The following ADAMTS14 variants were observed in gnomAD, a reference collection of about 807,000 sequenced individuals.
The protein encoded by ADAMTS14 is ADAM metallopeptidase with thrombospondin type 1 motif 14.
A neutral mutation model predicts 128.6 loss-of-function variants in ADAMTS14; 100 were observed. That is an observed-to-expected ratio of 0.78 (90% confidence interval 0.66 to 0.92). The LOEUF is 0.92. Ranked by LOEUF, ADAMTS14 falls within the 40% of genes least tolerant of loss-of-function variation. The probability of loss-of-function intolerance (pLI) is 0.00; values close to 1 mark genes in which losing one functional copy is unlikely to be tolerated. For missense variants in ADAMTS14, 1,562 were observed against 1,658.6 expected, an observed-to-expected ratio of 0.94 and a Z score of 1.01; for synonymous variants, 665 against 653.8, an observed-to-expected ratio of 1.02 and a Z score of -0.26.
intron 4 of ADAMTS14, among the ~76,000 whole-genome samples, chr10:70,719,565 C>G (rs1841180827): frequency 6.7e-6 from 1 of 150,350 alleles, no homozygotes; most frequent in Non-Finnish European, 1.5e-5. Flanking sequence ...CTGTGCCCAG[C>G]TAATTTTTAT....
intron 21 of ADAMTS14, 26 bp downstream of exon 21, chr10:70,758,311 C>T (rs992833785): frequency 6.2e-6 from 10 of 1,600,302 alleles, no homozygotes; most frequent in African/African-American, 1.3e-5. Flanking sequence ...GGACCCTACC[C>T]TGCTCCCCAG....
chr10:70,752,322 G>C (rs1842374677), intron 18 of ADAMTS14, 95 bp downstream of exon 18: 4 of 1,513,060 alleles, frequency 2.6e-6, no homozygotes, highest in Non-Finnish European at 3.6e-6. Flanking sequence ...TCAGCACTGG[G>C]TTATGGAGAC....
At chr10:70,743,395 C>T (rs1013324300) in intron 12 of ADAMTS14, among the ~76,000 whole-genome samples, 153 bp from the exon 13 acceptor site, 1 of 152,154 alleles carries the variant, frequency 6.6e-6, no homozygotes, top group African/African-American at 2.4e-5. Flanking sequence ...ATAAGTGACA[C>T]AGCAGGGATT....
At chr10:70,675,700 C>T (rs1839626443) in intron 2 of ADAMTS14, among the ~76,000 whole-genome samples, 1 of 152,218 alleles carries the variant, frequency 6.6e-6, no homozygotes, top group African/African-American at 2.4e-5. Context: ...CTCCACATTG[C>T]AAACCAGAAA....
intron 2 of ADAMTS14, among the ~76,000 whole-genome samples, chr10:70,677,281 T>C (rs1372920879): frequency 6.6e-6 from 1 of 152,152 alleles, no homozygotes; most frequent in African/African-American, 2.4e-5. Context: ...TCAGTGGGCC[T>C]GGGGCTGGGG....
chr10:70,744,360 G>A (rs1842109237), intron 14 of ADAMTS14, among the ~76,000 whole-genome samples, 171 bp downstream of exon 14: 1 of 152,202 alleles, frequency 6.6e-6, no homozygotes. Context: ...AGGTGCTGCA[G>A]CCAGTCACCT....
intron 4 of ADAMTS14, among the ~76,000 whole-genome samples, chr10:70,716,533 C>T (rs990611084): frequency 6.6e-6 from 1 of 152,198 alleles, no homozygotes; most frequent in Admixed American, 6.5e-5. Context: ...AGTCTGCCTC[C>T]CTGGGGACCA....
chr10:70,692,322 G>C (rs1840215967), intron 2 of ADAMTS14, among the ~76,000 whole-genome samples: 1 of 152,124 alleles, frequency 6.6e-6, no homozygotes, highest in South Asian at 2.1e-4. Context: ...GGCTCCAGGA[G>C]GGCCATTTCC....
chr10:70,745,369 A>G lies in ADAMTS14; in HGVS notation c.2263+63A>G, dbSNP rs571526973. 3 of 1,554,822 alleles carry G rather than the reference A, an allele frequency of 1.9e-6. No individual in the cohort carries two copies. In the East Asian group the frequency reaches 6.8e-5, roughly 35 times the overall value. Reference sequence around the variant, plus strand: ...CAGGCCCTGCCCTCTGACTTGGGGGAGCTGGGAGACCAGAGGACAAGATTC... The same window carrying G: ...CAGGCCCTGCCCTCTGACTTGGGGGGGCTGGGAGACCAGAGGACAAGATTC... On this transcript the variant is annotated intron_variant, in intron 15 of 21. Transcript: ENST00000373207.
At chr10:70,694,156 G>C (rs1453077647) in intron 2 of ADAMTS14, among the ~76,000 whole-genome samples, 1 of 152,220 alleles carries the variant, frequency 6.6e-6, no homozygotes, top group African/African-American at 2.4e-5. Flanking sequence ...AGCGTCGGCA[G>C]GCTTTCATCC....
intron 2 of ADAMTS14, among the ~76,000 whole-genome samples, chr10:70,699,182 C>G (rs1430766882): frequency 6.6e-6 from 1 of 152,154 alleles, no homozygotes; most frequent in Non-Finnish European, 1.5e-5. Context: ...CCAGGTAATA[C>G]AGTATTGTAG....
At chr10:70,689,312 T>G (rs1484052238) in intron 2 of ADAMTS14, among the ~76,000 whole-genome samples, 1 of 144,740 alleles carries the variant, frequency 6.9e-6, no homozygotes, top group Non-Finnish European at 1.6e-5. Flanking sequence ...CAAAGTCAGT[T>G]GTGCAGCACC....
intron 15 of ADAMTS14, among the ~76,000 whole-genome samples, chr10:70,748,841 C>T (rs1842263247): frequency 1.3e-5 from 2 of 152,192 alleles, no homozygotes; most frequent in African/African-American, 4.8e-5. Context: ...GGAGCCTTTG[C>T]CCTCCCTACT....
chr10:70,743,424 C>G, intron 12 of ADAMTS14, 124 bp from the exon 13 acceptor site: 1 of 1,206,172 alleles, frequency 8.3e-7, no homozygotes, highest in Non-Finnish European at 1.1e-6. Context: ...CCGTGCCACA[C>G]CCAGTGCTCC....
rs375283049 is a variant in ADAMTS14 at position 70,697,803 on chromosome 10, A to C, written c.523-4509A>C. Among the ~76,000 whole-genome samples, 3 of 152,294 alleles carry C rather than the reference A, an allele frequency of 2.0e-5. No homozygotes were observed. The East Asian group carries it at 5.8e-4, about 29-fold the overall frequency. On this transcript the variant is annotated intron_variant, in intron 2 of 21. Transcript: ENST00000373207. ...GGGGCTTTCCCTGAGGGGAACCCAT[A>C]CTGGAAAACCTGTCAACATGGCCTG...
intron 1 of ADAMTS14, among the ~76,000 whole-genome samples, chr10:70,673,912 C>A (rs1472764601): frequency 2.6e-5 from 4 of 152,180 alleles, no homozygotes; most frequent in African/African-American, 9.7e-5. Flanking sequence ...CCTGTATATC[C>A]TTTTATTTTT....
intron 3 of ADAMTS14, among the ~76,000 whole-genome samples, chr10:70,704,713 CAT>C (rs1027956518): frequency 1.3e-5 from 2 of 151,566 alleles, no homozygotes; most frequent in South Asian, 2.1e-4. Context: ...CACACTCACA[CAT>C]AGACACACAC....
chr10:70,720,298 A>G (rs1841214447), intron 4 of ADAMTS14, among the ~76,000 whole-genome samples: 2 of 152,258 alleles, frequency 1.3e-5, no homozygotes, highest in South Asian at 4.1e-4. Flanking sequence ...CTGAGCCTGC[A>G]GCAGCTGAGA....
chr10:70,738,666 C>T (rs1265800805), intron 10 of ADAMTS14, among the ~76,000 whole-genome samples, 176 bp from the exon 11 acceptor site: 2 of 152,192 alleles, frequency 1.3e-5, no homozygotes, highest in African/African-American at 2.4e-5. Context: ...CCACATTGTC[C>T]AGTTGAGGAA....
Sources: gnomAD v4.1 joint callset for allele counts (sites outside exome capture counted in the v4.1 genomes callset) on GRCh38, gnomAD v4.1.1 for gene constraint, MANE v1.5 for transcripts, NCBI Gene and HGNC (gene_info 2026-07-23, HGNC 2026-07-21) for gene names.